The following DENND4C variants were observed in gnomAD, a reference collection of about 807,000 sequenced individuals.
DENND4C encodes the protein DENN domain containing 4C, also known as DENN domain-containing protein 4C.
Under a neutral mutation model 203.0 loss-of-function variants are expected in DENND4C, and 108 were observed. That is an observed-to-expected ratio of 0.53 (90% CI 0.46 to 0.62). The LOEUF (loss-of-function observed/expected upper bound fraction) is 0.62, where lower values mean the gene tolerates loss of function less well. Ranked by LOEUF, DENND4C falls within the 20% of genes least tolerant of loss-of-function variation. DENND4C has a pLI of 0.00. For missense variants in DENND4C, 2,481 were observed against 2,301.2 expected (o/e 1.08, Z -1.60); for synonymous variants, 871 against 792.4 (o/e 1.10, Z -1.67).
Position 19,356,968 on chromosome 9 carries a change from G to A in DENND4C, c.4782-4G>A. 6.2e-7 allele frequency: 1 copy of A among 1,612,638 alleles called. No individual in the cohort carries two copies. Among genetic ancestry groups the A allele is most frequent in the Non-Finnish European group, 8.5e-7 (1 of 1,179,382 alleles). ...GCTCTTTTTCCCCCCTTTTCCTTAT[G>A]TAGCTTTTTCCTGAAACCAAGTACC... is the stretch of plus-strand genomic sequence containing the variant. On this transcript the variant is annotated splice_polypyrimidine_tract_variant and splice_region_variant and intron_variant, in intron 26 of 32. Transcript: ENST00000434457.
chr9:19,343,617 C>T (rs1482376578), intron 22 of DENND4C, among the ~76,000 whole-genome samples: 1 of 152,206 alleles, frequency 6.6e-6, no homozygotes, highest in Non-Finnish European at 1.5e-5. Flanking sequence ...TTGGGTAGTG[C>T]TCAAGAGGTG....
rs1408270479 is a variant in DENND4C at position 19,264,652 on chromosome 9, T to C, written c.-17-11506T>C. On this transcript the variant is annotated intron_variant, in intron 1 of 32. Coordinates refer to ENST00000434457, the MANE Select transcript of DENND4C (RefSeq NM_001330640.2). ...TGAATTTCTGTGGTATTGCTTGTAA[T>C]GTCTCATCTCTGATCTTATTTATTT... Among the ~76,000 whole-genome samples, 4 of 152,198 alleles carry C rather than the reference T, an allele frequency of 2.6e-5. No individual in the cohort carries two copies. The East Asian group carries it at 7.7e-4, about 29-fold the overall frequency.
At chr9:19,363,406 G>A (rs890838203) in intron 30 of DENND4C, among the ~76,000 whole-genome samples, 2 of 151,982 alleles carry the variant, frequency 1.3e-5, no homozygotes, top group Admixed American at 6.6e-5. Flanking sequence ...CCAGCTGCTC[G>A]GGAGGCTAAG....
In DENND4C at chr9:19,371,925, A is replaced by G. The variant is rs896438874; in HGVS notation, c.5740+105A>G. On this transcript the variant is annotated intron_variant, in intron 32 of 32. Transcript: ENST00000434457. ...TGTATAAAAGATTTAAAAGATTTCTACTTCTAAATATATAGTTCAAATACA... is the reference window on the plus strand; with the variant it reads ...TGTATAAAAGATTTAAAAGATTTCTGCTTCTAAATATATAGTTCAAATACA... The G allele has an allele frequency of 1.5e-5, 20 of 1,315,678 alleles. No individual in the cohort carries two copies. The East Asian group carries it at 3.7e-4, about 25-fold the overall frequency. The allele number at this position is 1,315,678 out of a possible 1,614,324, so 81.5% of individuals were successfully genotyped here.
chr9:19,340,743 T>C (rs2131917261), intron 20 of DENND4C, among the ~76,000 whole-genome samples: 2 of 152,358 alleles, frequency 1.3e-5, no homozygotes, highest in Middle Eastern at 3.4e-3. Flanking sequence ...TGTCTAAATC[T>C]TTTTAATTTA....
In DENND4C at chr9:19,360,307, C is replaced by T; in HGVS notation, c.5224C>T (p.Leu1742Phe). 1 of 1,613,842 alleles carries T rather than the reference C, an allele frequency of 6.2e-7. No homozygotes were observed. Among genetic ancestry groups the T allele is most frequent in the Admixed American group, 1.7e-5 (1 of 60,018 alleles). ...VSVPYLSPLVLRKELESLLEN... is the reference protein window; with the variant it reads ...VSVPYLSPLVFRKELESLLEN... ...TGTGCCCTACTTGAGTCCTCTAGTACTCCGTAAAGAACTTGAATCTTTGCT... is the reference window on the plus strand; with the variant it reads ...TGTGCCCTACTTGAGTCCTCTAGTATTCCGTAAAGAACTTGAATCTTTGCT... The change falls in exon 29 of 33, where the codon CTC becomes TTC. Residue 1742 changes from leucine (L) to phenylalanine (F), a missense_variant. Leu to Phe is a conservative substitution (Grantham distance 22). Around this residue, in one of 3 missense-constraint regions of DENND4C, gnomAD observed 2,289 missense variants for 2,113.3 expected, o/e 1.08. Coordinates refer to ENST00000434457, the MANE Select transcript of DENND4C (RefSeq NM_001330640.2).
chr9:19,352,523 T>TG lies in DENND4C; in HGVS notation c.4640dup (p.Cys1547TrpfsTer7). The TG allele has an allele frequency of 1.9e-6, 3 of 1,550,740 alleles. No homozygotes were observed. The highest frequency in any genetic ancestry group is 2.5e-5 in the South Asian group (2 of 81,036). ...GTCCAGTTGTTCACAGTGTAGAGCT[T>TG]GTGGAGCTTTAGTTTATGATGAAGA... is the stretch of plus-strand genomic sequence containing the variant. On this transcript the variant is annotated frameshift_variant, in exon 26 of 33. Transcript: ENST00000434457. LOFTEE classifies it high-confidence loss of function.
At chr9:19,300,064 T>C (rs1838241485) in intron 8 of DENND4C, 123 bp from the exon 9 acceptor site, 7 of 997,082 alleles carry the variant, frequency 7.0e-6, no homozygotes, top group Non-Finnish European at 8.2e-6. Flanking sequence ...TTTTCATTGA[T>C]AAATAAGTAA....
chr9:19,276,565 T>A, intron 2 of DENND4C, 86 bp downstream of exon 2: 1 of 744,680 alleles, frequency 1.3e-6, no homozygotes, highest in Admixed American at 4.3e-5. Context: ...TCCTTGATAG[T>A]TTTATTATTA....
intron 12 of DENND4C, among the ~76,000 whole-genome samples, chr9:19,323,447 G>T (rs1392235033): frequency 6.6e-6 from 1 of 150,642 alleles, no homozygotes; most frequent in Admixed American, 6.6e-5. Context: ...AAAAAAAAAG[G>T]AATGAAGAAG....
In DENND4C at chr9:19,356,987, A is replaced by C. The variant is rs201426653; in HGVS notation, c.4797A>C (p.Pro1599=). ...CCTTATGTAGCTTTTTCCTGAAACC[A>C]AGTACCTCTGGTGACAGTTTACAAA... ...LRGSASFFLK[P]STSGDSLQSG... is the part of the protein sequence containing the mutation. Residue 1599 remains proline, a synonymous_variant, in exon 27 of 33, where the codon CCA becomes CCC. Transcript: ENST00000434457. The C allele has an allele frequency of 3.1e-6, 5 of 1,613,762 alleles. No individual in the cohort carries two copies. In the East Asian group the frequency reaches 1.1e-4, roughly 36 times the overall value.
At chr9:19,359,731 C>G (rs1037107907) in intron 28 of DENND4C, among the ~76,000 whole-genome samples, 1 of 149,076 alleles carries the variant, frequency 6.7e-6, no homozygotes, top group Admixed American at 6.6e-5. Flanking sequence ...CTCACAAAGT[C>G]TAGGTTGGGT....
At chr9:19,370,044 A>G in intron 31 of DENND4C, 57 bp downstream of exon 31, 1 of 1,584,068 alleles carries the variant, frequency 6.3e-7, no homozygotes, top group Non-Finnish European at 8.7e-7. Flanking sequence ...TTTTTAAAAA[A>G]ATATCTTACT....
Position 19,342,780 on chromosome 9 carries a change from G to T in DENND4C, c.3151+1G>T, listed in dbSNP as rs1821942170. On this transcript the variant is annotated splice_donor_variant, in intron 22 of 32. Coordinates refer to ENST00000434457, the MANE Select transcript of DENND4C (RefSeq NM_001330640.2). LOFTEE classifies it high-confidence loss of function. The stretch of plus-strand genomic sequence containing the variant: ...GTCAACAGCAGGAAAAGTAGCACTG[G>T]TGAGTCTTTACATTTTGGTTATTAA... The T allele has an allele frequency of 6.3e-7, 1 of 1,592,592 alleles. No individual in the cohort carries two copies. Among genetic ancestry groups the T allele is most frequent in the African/African-American group, 1.4e-5 (1 of 73,806 alleles).
rs1263485542 is a variant in DENND4C at position 19,232,773 on chromosome 9, G to T, written c.-18+1940G>T. Among the ~76,000 whole-genome samples the T allele has an allele frequency of 3.3e-5, 5 of 152,126 alleles. No homozygotes were observed. In the East Asian group the frequency reaches 9.6e-4, roughly 29 times the overall value. The stretch of plus-strand genomic sequence containing the variant: ...CAAATTTGGGAGATTATTTGGTTGA[G>T]CTACTTTCTATAAAGAAACATATTA... On this transcript the variant is annotated intron_variant, in intron 1 of 32. Coordinates refer to ENST00000434457, the MANE Select transcript of DENND4C (RefSeq NM_001330640.2).
intron 13 of DENND4C, among the ~76,000 whole-genome samples, chr9:19,325,609 T>C (rs1032667319): frequency 6.6e-6 from 1 of 152,170 alleles, no homozygotes; most frequent in Non-Finnish European, 1.5e-5. Flanking sequence ...CTTCCAGTTA[T>C]ATGAGAAGTT....
chr9:19,307,411 A>AG (rs1024040632), intron 10 of DENND4C, among the ~76,000 whole-genome samples: 5 of 151,200 alleles, frequency 3.3e-5, no homozygotes, highest in African/African-American at 1.2e-4. Context: ...AAAAAAAAAA[A>AG]AAGAAGAAAT....
chr9:19,318,806 T>C (rs946374078), intron 12 of DENND4C, among the ~76,000 whole-genome samples: 2 of 152,200 alleles, frequency 1.3e-5, no homozygotes, highest in African/African-American at 4.8e-5. Context: ...CATTTTAGCA[T>C]AATTACCTCT....
chr9:19,366,949 ATCTTAAAAAGGAT>A (rs1300639949), intron 30 of DENND4C, among the ~76,000 whole-genome samples: 2 of 152,250 alleles, frequency 1.3e-5, no homozygotes, highest in African/African-American at 4.8e-5. Context: ...TGCAAATCAT[ATCTTAAAAAGGAT>A]TTGTACCCAG....
Sources: gnomAD v4.1 joint callset for allele counts (sites outside exome capture counted in the v4.1 genomes callset) on GRCh38, gnomAD v4.1.1 for gene constraint, gnomAD v4.1.1 regional missense constraint, MANE v1.5 for transcripts, NCBI Gene and HGNC (gene_info 2026-07-23, HGNC 2026-07-21) for gene names.